Variants in GPNMB observed in about 807,000 individuals in gnomAD.
GPNMB encodes the protein glycoprotein nmb.
In GPNMB, 71 loss-of-function variants were observed where a neutral mutation model predicts 57.3. That is an observed-to-expected ratio of 1.24 (90% confidence interval 1.02 to 1.51). GPNMB has a LOEUF of 1.51. Among genes scored for constraint, GPNMB ranks in the 40% most tolerant of loss-of-function variants. GPNMB has a pLI of 0.00. For missense variants in GPNMB, 677 were observed against 691.9 expected (o/e 0.98, Z 0.24); for synonymous variants, 253 against 263.2 (o/e 0.96, Z 0.38).
At chr7:23,265,988 A>G (rs183530176) in intron 6 of GPNMB, among the ~76,000 whole-genome samples, 53 of 151,536 alleles carry the variant, frequency 3.5e-4, no homozygotes, top group African/African-American at 1.1e-3. Context: ...TCGCTCTGTC[A>G]CCCAGGCTGG....
rs767598502 is a variant in GPNMB at position 23,253,428 on chromosome 7, G to C, written c.192G>C (p.Arg64=). The C allele has an allele frequency of 5.0e-6, 8 of 1,613,812 alleles. No individual in the cohort carries two copies. The highest frequency in any genetic ancestry group is 1.7e-5 in the Admixed American group (1 of 59,976). Residue 64 remains arginine, a synonymous_variant, in exon 2 of 11, where the codon CGG becomes CGC. Coordinates refer to ENST00000258733, the MANE Select transcript of GPNMB (RefSeq NM_002510.3). ...WNEKLYPVWK[R]GDMRWKNSWK... ...AAAAACTCTACCCAGTGTGGAAGCG[G>C]GGAGACATGAGGTGGAAAAACTCCT...
chr7:23,260,434 C>A (rs1490266819), intron 5 of GPNMB, 22 bp from the exon 6 acceptor site: 2 of 1,571,568 alleles, frequency 1.3e-6, no homozygotes, highest in South Asian at 1.2e-5. Flanking sequence ...TTCTTTATTT[C>A]TTTGGGGGAT....
At chr7:23,259,292 G>A (rs1782855237) in intron 4 of GPNMB, among the ~76,000 whole-genome samples, 1 of 152,050 alleles carries the variant, frequency 6.6e-6, no homozygotes. Flanking sequence ...TAACCAATTC[G>A]TCTGCCTCAG....
intron 1 of GPNMB, among the ~76,000 whole-genome samples, chr7:23,252,910 C>T (rs1782691763): frequency 6.6e-6 from 1 of 151,984 alleles, no homozygotes; most frequent in Non-Finnish European, 1.5e-5. Context: ...GAAGGCATTC[C>T]TGAGCCTGGC....
chr7:23,251,719 A>C (rs541038109), intron 1 of GPNMB, among the ~76,000 whole-genome samples: 1 of 152,184 alleles, frequency 6.6e-6, no homozygotes, highest in African/African-American at 2.4e-5. Context: ...TTGTTCTCAC[A>C]TATCTCTTGT....
At chr7:23,249,804 T>G (rs960911822) in intron 1 of GPNMB, among the ~76,000 whole-genome samples, 3 of 151,826 alleles carry the variant, frequency 2.0e-5, no homozygotes, top group African/African-American at 7.3e-5. Context: ...TCAGTTTTGT[T>G]TCTCTGGGAT....
intron 3 of GPNMB, among the ~76,000 whole-genome samples, chr7:23,255,391 G>A (rs539644779): frequency 3.0e-4 from 45 of 152,276 alleles, no homozygotes; most frequent in African/African-American, 1.0e-3. Flanking sequence ...TGCTGCAAAC[G>A]ATGGGATTTA....
chr7:23,259,897 G>A, intron 4 of GPNMB, 83 bp from the exon 5 acceptor site: 1 of 1,284,104 alleles, frequency 7.8e-7, no homozygotes, highest in East Asian at 2.3e-5. Context: ...ATCTATAAAT[G>A]GTGGTAGCTA....
At position 23,274,154 on chromosome 7, in the gene GPNMB, C is replaced by T. The variant is rs752439552; in HGVS notation, c.1613C>T (p.Ala538Val). 4.3e-6 allele frequency: 7 copies of T among 1,613,792 alleles called. No individual in the cohort carries two copies. The highest frequency in any genetic ancestry group is 2.5e-6 in the Non-Finnish European group (3 of 1,179,752). ...GLSVFLNRAK[A>V]VFFPGNQEKD... The stretch of plus-strand genomic sequence containing the variant: ...AGTGTCTTTCTCAACCGTGCAAAAG[C>T]CGTGTTCTTCCCGGGAAACCAGGAA... The change falls in exon 11 of 11, where the codon GCC becomes GTC. Residue 538 changes from alanine (A) to valine (V), a missense_variant. By Grantham distance (64) the Ala-to-Val change is moderately conservative (BLOSUM62 0). Transcript: ENST00000258733.
intron 6 of GPNMB, among the ~76,000 whole-genome samples, chr7:23,261,633 G>A (rs1193340164): frequency 1.3e-5 from 2 of 152,200 alleles, no homozygotes; most frequent in South Asian, 4.1e-4. Context: ...GCCTGTCGGG[G>A]GGTAGGGGTA....
intron 2 of GPNMB, among the ~76,000 whole-genome samples, 167 bp downstream of exon 2, chr7:23,253,626 C>G (rs1432092646): frequency 1.3e-5 from 2 of 152,212 alleles, no homozygotes; most frequent in African/African-American, 4.8e-5. Flanking sequence ...TTTAGCCCAA[C>G]ACTATCACTT....
At chr7:23,252,257 A>G (rs1002013880) in intron 1 of GPNMB, among the ~76,000 whole-genome samples, 6 of 152,248 alleles carry the variant, frequency 3.9e-5, no homozygotes, top group Admixed American at 3.9e-4. Flanking sequence ...CATTACATTA[A>G]ATGTGAATTA....
chr7:23,266,692 G>T, intron 7 of GPNMB, 77 bp downstream of exon 7: 9 of 1,370,178 alleles, frequency 6.6e-6, no homozygotes, highest in Non-Finnish European at 9.1e-6. Flanking sequence ...TGCTAACTCT[G>T]AAGGGGTAGA....
At chr7:23,261,000 C>G (rs1394892663) in intron 6 of GPNMB, among the ~76,000 whole-genome samples, 3 of 152,178 alleles carry the variant, frequency 2.0e-5, no homozygotes, top group Admixed American at 2.0e-4. Context: ...AATTCAGTGA[C>G]TTGTAGAAAG....
chr7:23,254,079 C>T, intron 2 of GPNMB, 90 bp from the exon 3 acceptor site: 1 of 1,263,962 alleles, frequency 7.9e-7, no homozygotes, highest in Middle Eastern at 2.0e-4. Context: ...TATGGGTCCT[C>T]TGGTCCTTAT....
intron 6 of GPNMB, among the ~76,000 whole-genome samples, chr7:23,264,213 C>T (rs367560548): frequency 2.0e-5 from 3 of 151,992 alleles, no homozygotes; most frequent in African/African-American, 4.8e-5. Flanking sequence ...GCTCTCACAC[C>T]GTTCTCTGGG....
chr7:23,264,676 C>T (rs1783016794), intron 6 of GPNMB, among the ~76,000 whole-genome samples: 2 of 152,200 alleles, frequency 1.3e-5, no homozygotes, highest in African/African-American at 4.8e-5. Context: ...CATGCCTGGC[C>T]TCCATATGCA....
chr7:23,256,583 C>T (rs1782783820), intron 3 of GPNMB, among the ~76,000 whole-genome samples: 1 of 152,234 alleles, frequency 6.6e-6, no homozygotes, highest in East Asian at 1.9e-4. Context: ...GATAAAGTAT[C>T]TCTGATTTGA....
In GPNMB at chr7:23,269,960, G is replaced by T; in HGVS notation, c.1221-7G>T. The T allele has an allele frequency of 6.2e-7, 1 of 1,612,446 alleles. No individual in the cohort carries two copies. The highest frequency in any genetic ancestry group is 2.2e-5 in the East Asian group (1 of 44,866). ...CTGTGCGCCCTCGCCCACCTCCCCT[G>T]TCGCAGCATTCCCACGGAGGTCTGT... On this transcript the variant is annotated splice_region_variant and splice_polypyrimidine_tract_variant and intron_variant, in intron 8 of 10. Transcript: ENST00000258733.
Sources: allele counts gnomAD v4.1 joint callset (sites outside exome capture counted in the v4.1 genomes callset), GRCh38; gene constraint gnomAD v4.1.1; transcripts MANE v1.5; gene names NCBI Gene and HGNC (gene_info 2026-07-23, HGNC 2026-07-21).